Variants in ABCC12 observed in about 807,000 individuals in gnomAD.
ABCC12 encodes the protein ATP binding cassette subfamily C member 12.
Under a neutral mutation model 151.1 loss-of-function variants are expected in ABCC12, and 142 were observed. The observed-to-expected ratio is 0.94, with a 90% confidence interval of 0.82 to 1.08. ABCC12 has a LOEUF of 1.08. Ranked by LOEUF, ABCC12 falls within the 50% of genes least tolerant of loss-of-function variation. ABCC12 has a pLI of 0.00. For synonymous variants in ABCC12, 645 were observed against 646.4 expected (o/e 1.00, Z 0.03); for missense variants, 1,638 against 1,691.1 (o/e 0.97, Z 0.55).
chr16:48,149,804 C>T (rs2150685763), intron 2 of ABCC12, among the ~76,000 whole-genome samples: 1 of 152,310 alleles, frequency 6.6e-6, no homozygotes, highest in South Asian at 2.1e-4. Context: ...AGGCAATTGA[C>T]AGATGATCCA....
At chr16:48,091,270 C>T in intron 24 of ABCC12, 61 bp from the exon 25 acceptor site, 3 of 1,476,622 alleles carry the variant, frequency 2.0e-6, no homozygotes, top group East Asian at 2.3e-5. Context: ...TTCTGCAGCT[C>T]CCCGTTCAGG....
In ABCC12 at chr16:48,083,451, G is replaced by A. The variant is rs1567441868; in HGVS notation, c.*264C>T. The A allele has an allele frequency of 2.3e-6, 1 of 435,226 alleles. No homozygotes were observed. Among genetic ancestry groups the A allele is most frequent in the Non-Finnish European group, 4.0e-6 (1 of 248,760 alleles). The allele number at this position is 435,226 out of a possible 1,614,324, so 27.0% of individuals were successfully genotyped here. On this transcript the variant is annotated 3_prime_UTR_variant, in exon 31 of 31. Transcript: ENST00000311303. ...TGGTGAAAACACATGAGGAACCCTTGGGGATTTGGGAGGTGAAGGGCAGTT... is the reference window on the plus strand; with the variant it reads ...TGGTGAAAACACATGAGGAACCCTTAGGGATTTGGGAGGTGAAGGGCAGTT...
In ABCC12 at chr16:48,124,248, C is replaced by T. The variant is rs1435987137; in HGVS notation, c.1552G>A (p.Gly518Arg). The change falls in exon 12 of 31, where the codon GGA becomes AGA. Residue 518 changes from glycine to arginine, a missense_variant. Transcript: ENST00000311303. ...AGAGCTGCAAGGAGGGAGCTCTTTC[C>T]ACTTCCCACATTCCCACATATTCCC... is the stretch of plus-strand genomic sequence containing the variant. Reference protein sequence around the residue: ...ILGICGNVGSGKSSLLAALLG... With the variant: ...ILGICGNVGSRKSSLLAALLG... The T allele has an allele frequency of 3.1e-6, 5 of 1,614,248 alleles. No individual in the cohort carries two copies. In the African/African-American group the frequency reaches 4.0e-5, roughly 13 times the overall value.
At chr16:48,135,433 G>A (rs1376470334) in intron 8 of ABCC12, among the ~76,000 whole-genome samples, 1 of 152,108 alleles carries the variant, frequency 6.6e-6, no homozygotes, top group East Asian at 1.9e-4. Flanking sequence ...CCAGGCTGGA[G>A]TGCAATGACA....
chr16:48,155,123 G>C (rs539615772), intron 1 of ABCC12, among the ~76,000 whole-genome samples: 1 of 152,314 alleles, frequency 6.6e-6, no homozygotes, highest in African/African-American at 2.4e-5. Context: ...GGCAGGGAGA[G>C]GCAGAGAGGT....
chr16:48,150,507 T>G (rs987033142), intron 2 of ABCC12, among the ~76,000 whole-genome samples: 10 of 152,092 alleles, frequency 6.6e-5, no homozygotes, highest in African/African-American at 2.4e-4. Context: ...ATACACACAC[T>G]TTGATACCAT....
At chr16:48,094,704 C>T (rs987204135) in intron 24 of ABCC12, among the ~76,000 whole-genome samples, 2 of 151,898 alleles carry the variant, frequency 1.3e-5, no homozygotes, top group African/African-American at 4.9e-5. Flanking sequence ...ATAAATTGGG[C>T]TCTCTGAATA....
intron 18 of ABCC12, among the ~76,000 whole-genome samples, chr16:48,109,427 T>G (rs966881786): frequency 1.3e-5 from 2 of 152,232 alleles, no homozygotes; most frequent in African/African-American, 2.4e-5. Context: ...CAGTACTGAA[T>G]GCATGTCTCT....
In ABCC12 at chr16:48,081,801, T is replaced by C. The variant is rs1962354229; in HGVS notation, c.*1914A>G. On this transcript the variant is annotated 3_prime_UTR_variant, in exon 31 of 31. Transcript: ENST00000311303. ...GCATCTGAAGGAGCAGCAGGGATCA[T>C]TGTAGTCTATCCTCTGTCCTCATGA... Among the ~76,000 whole-genome samples the C allele has an allele frequency of 6.6e-6, 1 of 152,136 alleles. No individual in the cohort carries two copies. The highest frequency in any genetic ancestry group is 2.4e-5 in the African/African-American group (1 of 41,434).
Position 48,117,466 on chromosome 16 carries a change from T to C in ABCC12, c.1713-133A>G, listed in dbSNP as rs149499345. Reference sequence around the variant, plus strand: ...GGCGGCTGCTATGTCCAAGGCTCCCTGGCCAGTCGCTCTGCCTTCAATGAC... The same window carrying C: ...GGCGGCTGCTATGTCCAAGGCTCCCCGGCCAGTCGCTCTGCCTTCAATGAC... On this transcript the variant is annotated intron_variant, in intron 13 of 30. Coordinates refer to ENST00000311303, the MANE Select transcript of ABCC12 (RefSeq NM_001393797.1). 39 of 874,596 alleles carry C rather than the reference T, an allele frequency of 4.5e-5. No homozygotes were observed. The African/African-American group carries it at 5.5e-4, about 12-fold the overall frequency. 54.2% of individuals were successfully genotyped at this position (874,596 alleles called of 1,614,324 possible).
At chr16:48,099,298 G>A (rs988759308) in intron 23 of ABCC12, among the ~76,000 whole-genome samples, 1 of 152,126 alleles carries the variant, frequency 6.6e-6, no homozygotes, top group Admixed American at 6.5e-5. Context: ...TTGGGAGGCT[G>A]AGGCAAGAGA....
intron 1 of ABCC12, among the ~76,000 whole-genome samples, chr16:48,154,810 C>T (rs1044408305): frequency 1.1e-4 from 16 of 152,370 alleles, no homozygotes; most frequent in African/African-American, 3.4e-4. Context: ...GTTCCTCCAT[C>T]AACCAAAAGC....
At position 48,144,043 on chromosome 16, in the gene ABCC12, C is replaced by T. The variant is rs537603050; in HGVS notation, c.142G>A (p.Asp48Asn). ...CARLAPNPVD[D>N]AGLLSFATFS... ...GTGGCGAAGGAGAGTAGCCCGGCAT[C>T]ATCCACCGGGTTGGGTGCTAACCTG... The change falls in exon 4 of 31, where the codon GAT (aspartate) becomes AAT (asparagine). Residue 48 changes from aspartate (D) to asparagine (N), a missense_variant. Asp to Asn is a conservative substitution (Grantham distance 23). Transcript: ENST00000311303. 1.9e-6 allele frequency: 3 copies of T among 1,614,022 alleles called. No homozygotes were observed. In the African/African-American group the frequency reaches 4.0e-5, roughly 22 times the overall value.
chr16:48,096,448 C>T (rs1963096975), intron 24 of ABCC12, among the ~76,000 whole-genome samples: 1 of 152,252 alleles, frequency 6.6e-6, no homozygotes, highest in South Asian at 2.1e-4. Context: ...GCTTCTGCCT[C>T]CGTGGCTGGG....
At chr16:48,109,780 A>G (rs1206098911) in intron 18 of ABCC12, among the ~76,000 whole-genome samples, 1 of 152,268 alleles carries the variant, frequency 6.6e-6, no homozygotes, top group African/African-American at 2.4e-5. Context: ...GACTGGTCAC[A>G]TTCCCTCGCA....
intron 24 of ABCC12, 42 bp downstream of exon 24, chr16:48,096,704 C>A: frequency 6.2e-7 from 1 of 1,604,944 alleles, no homozygotes; most frequent in South Asian, 1.1e-5. Context: ...GTATTACAGG[C>A]CGGAGCCTCC....
In ABCC12 at chr16:48,155,861, A is replaced by C. The variant is rs1244311470; in HGVS notation, c.-340T>G. 6.6e-6 allele frequency: 1 copy of C among 152,342 alleles called. No individual in the cohort carries two copies. Among genetic ancestry groups the C allele is most frequent in the Non-Finnish European group, 1.5e-5 (1 of 68,154 alleles). The allele number at this position is 152,342 out of a possible 1,614,324, so 9.4% of individuals were successfully genotyped here. On this transcript the variant is annotated 5_prime_UTR_variant, in exon 1 of 31. Transcript: ENST00000311303. ...TTTACCTGGGCTGAGGATGAGAGGG[A>C]GGGGAGGAGGGTCAGCAGTCATGGG...
chr16:48,117,779 C>A (rs925042611), intron 13 of ABCC12, among the ~76,000 whole-genome samples: 1 of 152,096 alleles, frequency 6.6e-6, no homozygotes, highest in African/African-American at 2.4e-5. Flanking sequence ...AGGCTAACAG[C>A]AGGGGGCTGG....
At chr16:48,148,372 G>A (rs1244400606) in intron 2 of ABCC12, among the ~76,000 whole-genome samples, 1 of 152,138 alleles carries the variant, frequency 6.6e-6, no homozygotes, top group African/African-American at 2.4e-5. Flanking sequence ...AAGTAGCAGG[G>A]ACTACAGGCG....
Sources: allele counts gnomAD v4.1 joint callset (sites outside exome capture counted in the v4.1 genomes callset), GRCh38; gene constraint gnomAD v4.1.1; transcripts MANE v1.5; gene names NCBI Gene and HGNC (gene_info 2026-07-23, HGNC 2026-07-21).